The following CIDEA variants were observed in gnomAD, a reference collection of about 807,000 sequenced individuals.
The protein encoded by CIDEA is lipid transferase CIDEA.
Under a neutral mutation model 18.2 loss-of-function variants are expected in CIDEA, and 10 were observed. That is an observed-to-expected ratio of 0.55 (90% CI 0.34 to 0.93). CIDEA has a LOEUF of 0.93. CIDEA is among the 40% of genes least tolerant of loss of function. CIDEA has a pLI of 0.02. For missense variants in CIDEA, 309 were observed against 293.1 expected, an observed-to-expected ratio of 1.05 and a Z score of -0.40; for synonymous variants, 128 against 124.8, an observed-to-expected ratio of 1.03 and a Z score of -0.17.
chr18:12,264,602 G>A (rs1912294009), intron 3 of CIDEA, 149 bp downstream of exon 3: 5 of 604,174 alleles, frequency 8.3e-6, no homozygotes, highest in Non-Finnish European at 1.1e-5. Flanking sequence ...CACCCAGGCT[G>A]GAGTGCAGTG....
At position 12,264,708 on chromosome 18, in the gene CIDEA, C is replaced by G. The variant is rs368058204; in HGVS notation, c.330+255C>G. Among the ~76,000 whole-genome samples the G allele has an allele frequency of 1.1e-4, 16 of 151,982 alleles. No individual in the cohort carries two copies. In the East Asian group the frequency reaches 2.9e-3, roughly 28 times the overall value. ...AGCTGGGACTACAGGCACCCGCCAC[C>G]ACGCCTGGCTAACTTTTTGTATTTT... On this transcript the variant is annotated intron_variant, in intron 3 of 4. Transcript: ENST00000320477.
intron 3 of CIDEA, 52 bp from the exon 4 acceptor site, chr18:12,274,041 G>T: frequency 2.5e-6 from 4 of 1,592,098 alleles, no homozygotes; most frequent in Non-Finnish European, 3.4e-6. Context: ...GAGTGATGAC[G>T]TGGGAGGGTT....
chr18:12,264,633 A>G (rs1037131068), intron 3 of CIDEA, among the ~76,000 whole-genome samples, 180 bp downstream of exon 3: 1 of 151,618 alleles, frequency 6.6e-6, no homozygotes, highest in African/African-American at 2.4e-5. Flanking sequence ...GGCTCACTGC[A>G]AGCTCCGCCT....
intron 3 of CIDEA, among the ~76,000 whole-genome samples, chr18:12,267,539 C>T (rs1598778814): frequency 1.3e-5 from 2 of 152,144 alleles, no homozygotes; most frequent in East Asian, 3.9e-4. Context: ...AACGAGGACC[C>T]CAAACAGCCT....
Position 12,261,277 on chromosome 18 carries a change from A to T in CIDEA, c.39-1548A>T, listed in dbSNP as rs575060594. On this transcript the variant is annotated intron_variant, in intron 1 of 4. Coordinates refer to ENST00000320477, the MANE Select transcript of CIDEA (RefSeq NM_001279.4). ...TGCACGCCTGCAATCCCAGCTACTC[A>T]GGAGGCTGAGGCAGGAGAATTGCTT... is the stretch of plus-strand genomic sequence containing the variant. 1.1e-4 allele frequency among the ~76,000 whole-genome samples: 16 copies of T among 152,224 alleles called. No homozygotes were observed. In the South Asian group the frequency reaches 3.3e-3, roughly 32 times the overall value.
chr18:12,269,721 C>G (rs1267107962), intron 3 of CIDEA, among the ~76,000 whole-genome samples: 2 of 151,834 alleles, frequency 1.3e-5, no homozygotes, highest in Non-Finnish European at 2.9e-5. Flanking sequence ...TTTTTCGAGG[C>G]AGGGTTTGCT....
chr18:12,274,316 C>T (rs146666534), intron 4 of CIDEA, 42 bp downstream of exon 4: 1 of 1,595,066 alleles, frequency 6.3e-7, no homozygotes, highest in East Asian at 2.2e-5. Flanking sequence ...CTGCAGACTG[C>T]ACAGGGTGTG....
At chr18:12,255,504 A>G (rs1018705336) in intron 1 of CIDEA, among the ~76,000 whole-genome samples, 1 of 152,168 alleles carries the variant, frequency 6.6e-6, no homozygotes, top group African/African-American at 2.4e-5. Context: ...ACGCTGAGAA[A>G]CACCTGCTTC....
At chr18:12,263,121 A>C in intron 2 of CIDEA, 152 bp downstream of exon 2, 1 of 762,490 alleles carries the variant, frequency 1.3e-6, no homozygotes. Context: ...ATTGGGAATG[A>C]CTGCTGGTGG....
intron 3 of CIDEA, among the ~76,000 whole-genome samples, chr18:12,268,605 C>T (rs1333862761): frequency 6.6e-6 from 1 of 151,566 alleles, no homozygotes; most frequent in Non-Finnish European, 1.5e-5. Context: ...GCCAGGCTGG[C>T]TTCAAACTCC....
rs1905361797 is a variant in CIDEA at position 12,277,117 on chromosome 18, C to A, written c.513-6C>A. The A allele has an allele frequency of 6.2e-7, 1 of 1,613,766 alleles. No homozygotes were observed. Among genetic ancestry groups the A allele is most frequent in the African/African-American group, 1.3e-5 (1 of 74,928 alleles). On this transcript the variant is annotated splice_region_variant and splice_polypyrimidine_tract_variant and intron_variant, in intron 4 of 4. Coordinates refer to ENST00000320477, the MANE Select transcript of CIDEA (RefSeq NM_001279.4). The stretch of plus-strand genomic sequence containing the variant: ...GCTAAAGCCTCCCCATCTGCCTCTG[C>A]CACAGGAGTCTGCTGCGGTTCCTGT...
Position 12,254,781 on chromosome 18 carries a change from G to T in CIDEA, c.38+360G>T, listed in dbSNP as rs754512889. 28 of 1,371,956 alleles carry T rather than the reference G, an allele frequency of 2.0e-5. No individual in the cohort carries two copies. In the South Asian group the frequency reaches 3.4e-4, roughly 17 times the overall value. 85.0% of individuals were successfully genotyped at this position (1,371,956 alleles called of 1,614,324 possible). A position where few individuals can be genotyped will look rare whatever the true frequency, so the allele number is the denominator to read the frequency against. Reference sequence around the variant, plus strand: ...TGCTGCAGTCGCGGGCGCAGAAGAGGGTCCGGTCCCAGGAACCCCGAGCAA... The same window carrying T: ...TGCTGCAGTCGCGGGCGCAGAAGAGTGTCCGGTCCCAGGAACCCCGAGCAA... On this transcript the variant is annotated intron_variant, in intron 1 of 4. Transcript: ENST00000320477.
chr18:12,264,761 G>A (rs12607731), intron 3 of CIDEA, among the ~76,000 whole-genome samples: 15,429 of 152,108 alleles, frequency 0.1, 1,106 homozygotes, highest in African/African-American at 0.18. Flanking sequence ...CACCGTGTTA[G>A]CCAGGATGGT....
intron 1 of CIDEA, among the ~76,000 whole-genome samples, chr18:12,258,579 C>A (rs977105842): frequency 6.6e-6 from 1 of 152,126 alleles, no homozygotes; most frequent in South Asian, 2.1e-4. Context: ...GCCTTGGGGG[C>A]GAAGAGGGGC....
chr18:12,259,197 C>T (rs1268155957), intron 1 of CIDEA, among the ~76,000 whole-genome samples: 1 of 152,228 alleles, frequency 6.6e-6, no homozygotes, highest in Non-Finnish European at 1.5e-5. Flanking sequence ...AGCCCCAACC[C>T]AGCACATTTC....
At chr18:12,275,797 A>G (rs1905309871) in intron 4 of CIDEA, among the ~76,000 whole-genome samples, 1 of 151,922 alleles carries the variant, frequency 6.6e-6, no homozygotes, top group African/African-American at 2.4e-5. Context: ...AGTCACTGTC[A>G]TAGTGTTGGA....
At chr18:12,267,453 A>C (rs1482014712) in intron 3 of CIDEA, among the ~76,000 whole-genome samples, 1 of 152,262 alleles carries the variant, frequency 6.6e-6, no homozygotes, top group Non-Finnish European at 1.5e-5. Flanking sequence ...TATGCTGAGC[A>C]AAAGATCACA....
chr18:12,277,402 GC>G lies in CIDEA; in HGVS notation c.*135del. 2 of 1,033,574 alleles carry G rather than the reference GC, an allele frequency of 1.9e-6. No individual in the cohort carries two copies. Among genetic ancestry groups the G allele is most frequent in the South Asian group, 1.6e-5 (1 of 63,230 alleles). 64.0% of individuals were successfully genotyped at this position (1,033,574 alleles called of 1,614,324 possible). A position where few individuals can be genotyped will look rare whatever the true frequency, so the allele number is the denominator to read the frequency against. On this transcript the variant is annotated 3_prime_UTR_variant, in exon 5 of 5. Transcript: ENST00000320477. ...GCTGGTCACGCTGCTCAGGAGTGGT[GC>G]CCAGAAAAGGAAAGGGCTTGGTGGT...
At chr18:12,256,280 A>G (rs1384622213) in intron 1 of CIDEA, among the ~76,000 whole-genome samples, 1 of 152,244 alleles carries the variant, frequency 6.6e-6, no homozygotes, top group East Asian at 1.9e-4. Flanking sequence ...GCTTCCTCTC[A>G]GGGTTCCTTA....
Sources: allele counts gnomAD v4.1 joint callset (sites outside exome capture counted in the v4.1 genomes callset), GRCh38; gene constraint gnomAD v4.1.1; transcripts MANE v1.5; gene names NCBI Gene and HGNC (gene_info 2026-07-23, HGNC 2026-07-21).